SMYD1: variants seen among roughly 807,000 people sequenced by gnomAD.
The protein encoded by SMYD1 is histone-lysine N-methyltransferase SMYD1.
In SMYD1, 49 loss-of-function variants were observed where a neutral mutation model predicts 54.0. The ratio of observed to expected loss-of-function variants is 0.91; its 90% CI spans 0.72 to 1.15. SMYD1 has a LOEUF of 1.15. Ranked by LOEUF, SMYD1 falls within the 50% of genes most tolerant of loss-of-function variation. The pLI is 0.00. For synonymous variants in SMYD1, 269 were observed against 234.2 expected (o/e 1.15, Z -1.36); for missense variants, 653 against 639.6 (o/e 1.02, Z -0.23).
chr2:88,108,537 G>A lies in SMYD1; in HGVS notation c.1312G>A (p.Glu438Lys). The A allele has an allele frequency of 6.3e-7, 1 of 1,581,092 alleles. No individual in the cohort carries two copies. The highest frequency in any genetic ancestry group is 8.6e-7 in the Non-Finnish European group (1 of 1,163,672). ...GPSHPITKDL[E>K]AMRVQTEMEL... ...CTCCCACCCCATCACTAAGGACTTA[G>A]AGGCAAGTAGCGTCTTGAGGCTGGT... Residue 438 changes from glutamate to lysine, a missense_variant and splice_region_variant, in exon 9 of 10, where the codon GAG (glutamate) becomes AAG (lysine). Physicochemically the swap from Glu to Lys is moderately conservative, Grantham distance 56. Transcript: ENST00000419482.
At chr2:88,106,282 C>A in intron 7 of SMYD1, 43 bp from the exon 8 acceptor site, 1 of 1,604,424 alleles carries the variant, frequency 6.2e-7, no homozygotes, top group Non-Finnish European at 8.5e-7. Flanking sequence ...TAAACGTGTG[C>A]TCTGGTGCAA....
chr2:88,089,122 T>A (rs2970915), intron 3 of SMYD1, among the ~76,000 whole-genome samples: 71,560 of 151,994 alleles, frequency 0.47, 17,603 homozygotes, highest in Middle Eastern at 0.57. Context: ...GCCATCAGGC[T>A]GGAGATCAGG....
At chr2:88,085,275 A>C (rs1443796522) in intron 2 of SMYD1, among the ~76,000 whole-genome samples, 1 of 152,172 alleles carries the variant, frequency 6.6e-6, no homozygotes, top group Non-Finnish European at 1.5e-5. Flanking sequence ...ATTACACCAG[A>C]GAGTGCATTT....
At chr2:88,080,906 A>T (rs1287466970) in intron 1 of SMYD1, among the ~76,000 whole-genome samples, 1 of 146,344 alleles carries the variant, frequency 6.8e-6, no homozygotes, top group Non-Finnish European at 1.5e-5. Context: ...TCATTATTTA[A>T]TTTTTTTTTT....
chr2:88,093,536 A>G lies in SMYD1; in HGVS notation c.679A>G (p.Met227Val). 6.2e-7 allele frequency: 1 copy of G among 1,614,082 alleles called. No individual in the cohort carries two copies. Among genetic ancestry groups the G allele is most frequent in the Non-Finnish European group, 8.5e-7 (1 of 1,179,992 alleles). Reference protein sequence around the residue: ...NNGNHEAVKSMFHTQMRIELR... With the variant: ...NNGNHEAVKSVFHTQMRIELR... Reference sequence around the variant, plus strand: ...TTTCAGTCATGAGGCAGTGAAATCCATGTTTCATACCCAGATGAGGTGGGT... The same window carrying G: ...TTTCAGTCATGAGGCAGTGAAATCCGTGTTTCATACCCAGATGAGGTGGGT... The change falls in exon 5 of 10, where the codon ATG (methionine) becomes GTG (valine). Residue 227 changes from methionine to valine, a missense_variant. Coordinates refer to ENST00000419482, the MANE Select transcript of SMYD1 (RefSeq NM_198274.4).
At chr2:88,070,514 T>A (rs913415372) in intron 1 of SMYD1, among the ~76,000 whole-genome samples, 2 of 152,056 alleles carry the variant, frequency 1.3e-5, no homozygotes, top group African/African-American at 2.4e-5. Flanking sequence ...ATATATTATA[T>A]AAAGCATAGC....
chr2:88,081,440 C>CTTT (rs1165739190), intron 1 of SMYD1, among the ~76,000 whole-genome samples: 2 of 140,326 alleles, frequency 1.4e-5, no homozygotes, highest in African/African-American at 5.2e-5. Flanking sequence ...CTAATTTTTT[C>CTTT]TTTTTTTTTT....
intron 3 of SMYD1, among the ~76,000 whole-genome samples, chr2:88,089,640 TG>T (rs1432387740): frequency 6.9e-6 from 1 of 144,084 alleles, no homozygotes; most frequent in Non-Finnish European, 1.5e-5. Flanking sequence ...TCACTCAGGC[TG>T]GAGTGCAGTG....
Position 88,110,593 on chromosome 2 carries a change from CT to C in SMYD1, c.*82del. 7.1e-7 allele frequency: 1 copy of C among 1,407,234 alleles called. No homozygotes were observed. The highest frequency in any genetic ancestry group is 9.4e-7 in the Non-Finnish European group (1 of 1,066,616). The allele number at this position is 1,407,234 out of a possible 1,614,324, so 87.2% of individuals were successfully genotyped here. A position where few individuals can be genotyped will look rare whatever the true frequency, so the allele number is the denominator to read the frequency against. ...AGGTGGTGGGTCTCTCGGGAGACCC[CT>C]AATGAGGAAGTTGAGGTAATGCTTA... On this transcript the variant is annotated 3_prime_UTR_variant, in exon 10 of 10. Transcript: ENST00000419482.
At position 88,107,383 on chromosome 2, in the gene SMYD1, A is replaced by G. The variant is rs566867143; in HGVS notation, c.1145+895A>G. On this transcript the variant is annotated intron_variant, in intron 8 of 9. Transcript: ENST00000419482. The stretch of plus-strand genomic sequence containing the variant: ...GATAAACTGTACAACATGCTAAGGA[A>G]GCCCTGCAAAAGGGTGCCAACCAGG... Among the ~76,000 whole-genome samples, 5 of 151,538 alleles carry G rather than the reference A, an allele frequency of 3.3e-5. No homozygotes were observed. The East Asian group carries it at 9.6e-4, about 29-fold the overall frequency.
intron 6 of SMYD1, among the ~76,000 whole-genome samples, chr2:88,098,686 C>T (rs1342215177): frequency 6.6e-6 from 1 of 152,178 alleles, no homozygotes; most frequent in Admixed American, 6.5e-5. Context: ...CTAGTACTGG[C>T]TATGACTCTA....
intron 6 of SMYD1, 61 bp from the exon 7 acceptor site, chr2:88,102,997 C>A: frequency 7.5e-7 from 1 of 1,336,314 alleles, no homozygotes; most frequent in South Asian, 1.2e-5. Flanking sequence ...GGCAACTATT[C>A]AAAGGTGGAA....
Position 88,106,324 on chromosome 2 carries a change from G to C in SMYD1, c.982-1G>C, listed in dbSNP as rs763208845. On this transcript the variant is annotated splice_acceptor_variant, in intron 7 of 9. Coordinates refer to ENST00000419482, the MANE Select transcript of SMYD1 (RefSeq NM_198274.4). LOFTEE classifies it high-confidence loss of function. Reference sequence around the variant, plus strand: ...TGGGCAGGGCCTCTGTCTCACTCTAGGTTGTGAAATTATGCCGGGAGTGCC... The same window carrying C: ...TGGGCAGGGCCTCTGTCTCACTCTACGTTGTGAAATTATGCCGGGAGTGCC... The C allele has an allele frequency of 6.2e-7, 1 of 1,614,062 alleles. No homozygotes were observed. Among genetic ancestry groups the C allele is most frequent in the South Asian group, 1.1e-5 (1 of 91,070 alleles).
chr2:88,071,049 G>A (rs900320843), intron 1 of SMYD1, among the ~76,000 whole-genome samples: 3 of 151,022 alleles, frequency 2.0e-5, no homozygotes, highest in Non-Finnish European at 4.4e-5. Flanking sequence ...TTAAACAAAG[G>A]TACAATATTA....
intron 1 of SMYD1, among the ~76,000 whole-genome samples, chr2:88,076,873 G>A (rs1158597874): frequency 6.6e-6 from 1 of 152,104 alleles, no homozygotes; most frequent in Non-Finnish European, 1.5e-5. Flanking sequence ...CAAGCCAAGC[G>A]TGGTGGCATG....
chr2:88,087,887 G>A lies in SMYD1; in HGVS notation c.340G>A (p.Val114Met), dbSNP rs763601267. Reference protein sequence around the residue: ...IRLAARIMWRVEREGTGLTEG... With the variant: ...IRLAARIMWRMEREGTGLTEG... ...GCTGGCGGCGCGCATCATGTGGCGG[G>A]TGGAGAGAGAAGGCACCGGGCTCAC... Residue 114 changes from valine to methionine, a missense_variant, in exon 3 of 10, where the codon GTG becomes ATG. Physicochemically the swap from Val to Met is conservative, Grantham distance 21. Transcript: ENST00000419482. 1.5e-5 allele frequency: 24 copies of A among 1,599,132 alleles called. No homozygotes were observed. Among genetic ancestry groups the A allele is most frequent in the Non-Finnish European group, 2.0e-5 (23 of 1,171,760 alleles).
intron 1 of SMYD1, among the ~76,000 whole-genome samples, 162 bp from the exon 2 acceptor site, chr2:88,084,154 C>T (rs992838596): frequency 6.6e-6 from 1 of 151,858 alleles, no homozygotes; most frequent in African/African-American, 2.4e-5. Flanking sequence ...CTGGGAAGGG[C>T]CTTTGGAGGC....
At position 88,113,261 on chromosome 2, in the gene SMYD1, T is replaced by C. The variant is rs1675071200; in HGVS notation, c.*2749T>C. 1 of 152,042 alleles carries C rather than the reference T, an allele frequency of 6.6e-6. No homozygotes were observed. Among genetic ancestry groups the C allele is most frequent in the African/African-American group, 2.4e-5 (1 of 41,408 alleles). The allele number at this position is 152,042 out of a possible 1,614,324, so 9.4% of individuals were successfully genotyped here. On this transcript the variant is annotated 3_prime_UTR_variant, in exon 10 of 10. Coordinates refer to ENST00000419482, the MANE Select transcript of SMYD1 (RefSeq NM_198274.4). ...AGTAAATGTGTGTTGAATAAATGAA[T>C]GAATGAATGAACAAATGAATGAATT...
chr2:88,093,801 C>G (rs1674515504), intron 5 of SMYD1, among the ~76,000 whole-genome samples: 1 of 152,150 alleles, frequency 6.6e-6, no homozygotes, highest in African/African-American at 2.4e-5. Flanking sequence ...ACTTCCACTG[C>G]TCTTCCAACC....
Sources: allele counts gnomAD v4.1 joint callset (sites outside exome capture counted in the v4.1 genomes callset), GRCh38; gene constraint gnomAD v4.1.1; transcripts MANE v1.5; gene names NCBI Gene and HGNC (gene_info 2026-07-23, HGNC 2026-07-21).